The following SGCD variants were observed in gnomAD, a reference collection of about 807,000 sequenced individuals.
The protein encoded by SGCD is delta-sarcoglycan.
A neutral mutation model predicts 36.6 loss-of-function variants in SGCD; 18 were observed. The ratio of observed to expected loss-of-function variants is 0.49; its 90% CI spans 0.34 to 0.73. The LOEUF (loss-of-function observed/expected upper bound fraction) is 0.73, where lower values mean the gene tolerates loss of function less well. Ranked by LOEUF, SGCD falls within the 30% of genes least tolerant of loss-of-function variation. SGCD has a pLI of 0.01. For synonymous variants in SGCD, 133 were observed against 130.6 expected, an observed-to-expected ratio of 1.02 and a Z score of -0.12; for missense variants, 387 against 346.7, an observed-to-expected ratio of 1.12 and a Z score of -0.92.
the SGCD span, among the ~76,000 whole-genome samples, chr5:155,798,431 A>G: frequency 6.6e-6 from 1 of 152,228 alleles, no homozygotes; most frequent in African/African-American, 2.4e-5. Flanking sequence ...CAATAGATTT[A>G]CCTTCTGATT....
chr5:155,849,756 G>T, the SGCD span, among the ~76,000 whole-genome samples: 2 of 152,258 alleles, frequency 1.3e-5, no homozygotes, highest in South Asian at 4.1e-4. Context: ...ATGTCAGACA[G>T]TACTGAATGG....
chr5:156,248,834 T>A (rs1765504898), intron 3 of SGCD, among the ~76,000 whole-genome samples: 1 of 152,174 alleles, frequency 6.6e-6, no homozygotes, highest in Non-Finnish European at 1.5e-5. Flanking sequence ...AAGCCATTCT[T>A]AAGAGGACTT....
chr5:156,362,740 C>T (rs548583682), intron 3 of SGCD, among the ~76,000 whole-genome samples: 94 of 152,272 alleles, frequency 6.2e-4, no homozygotes, highest in Admixed American at 4.3e-3. Context: ...AGAACTTTTC[C>T]AATAAGGGAT....
At chr5:156,101,036 G>C (rs1203930685) in intron 1 of SGCD, among the ~76,000 whole-genome samples, 1 of 152,164 alleles carries the variant, frequency 6.6e-6, no homozygotes, top group Non-Finnish European at 1.5e-5. Context: ...TATAAGAAGA[G>C]ACATGAGAAA....
intron 4 of SGCD, among the ~76,000 whole-genome samples, chr5:156,568,190 C>G (rs2113276627): frequency 6.6e-6 from 1 of 152,130 alleles, no homozygotes; most frequent in East Asian, 1.9e-4. Flanking sequence ...AGGATCACAG[C>G]CTGGCCAACA....
intron 1 of SGCD, among the ~76,000 whole-genome samples, chr5:155,882,793 A>T (rs1024112578): frequency 8.5e-5 from 13 of 152,182 alleles, no homozygotes; most frequent in African/African-American, 3.1e-4. Context: ...GTCAGTGACC[A>T]TTGGCTTCAA....
chr5:156,189,487 G>A (rs1763838586), intron 3 of SGCD, among the ~76,000 whole-genome samples: 1 of 152,072 alleles, frequency 6.6e-6, no homozygotes, highest in African/African-American at 2.4e-5. Context: ...TGAGAGTTAG[G>A]AAATTATGAG....
At chr5:156,435,129 T>C (rs1290793883) in intron 3 of SGCD, among the ~76,000 whole-genome samples, 2 of 152,244 alleles carry the variant, frequency 1.3e-5, no homozygotes, top group Non-Finnish European at 2.9e-5. Context: ...AAATGTTCTT[T>C]TATTTTGATT....
intron 3 of SGCD, among the ~76,000 whole-genome samples, chr5:156,406,809 T>C (rs931956331): frequency 9.8e-6 from 1 of 102,050 alleles, no homozygotes; most frequent in African/African-American, 4.6e-5. Flanking sequence ...TATATATATA[T>C]ATATATATAT....
chr5:156,571,741 C>A (rs1470725352), intron 4 of SGCD, among the ~76,000 whole-genome samples: 1 of 152,236 alleles, frequency 6.6e-6, no homozygotes, highest in Non-Finnish European at 1.5e-5. Flanking sequence ...TCCCCCAAAA[C>A]TGTTTTACTG....
chr5:156,516,300 CT>C (rs1304972202), intron 4 of SGCD, among the ~76,000 whole-genome samples: 1 of 152,228 alleles, frequency 6.6e-6, no homozygotes, highest in Admixed American at 6.5e-5. Flanking sequence ...AGTCACTACC[CT>C]TCTGGGACAG....
the SGCD span, among the ~76,000 whole-genome samples, chr5:155,843,132 G>T: frequency 1.3e-5 from 2 of 152,132 alleles, no homozygotes; most frequent in African/African-American, 4.8e-5. Context: ...GGTATCTTAC[G>T]TGAGGATTAT....
chr5:155,753,377 T>C, the SGCD span, among the ~76,000 whole-genome samples: 1 of 151,722 alleles, frequency 6.6e-6, no homozygotes, highest in Admixed American at 6.6e-5. Context: ...CTCAACTAGC[T>C]CTGTTTGTTT....
intron 3 of SGCD, among the ~76,000 whole-genome samples, chr5:156,426,268 A>G (rs555459182): frequency 7.9e-5 from 12 of 152,004 alleles, no homozygotes; most frequent in Admixed American, 6.6e-5. Context: ...TTACTCCTCT[A>G]AGCTGGAGGA....
intron 3 of SGCD, among the ~76,000 whole-genome samples, chr5:156,435,631 T>C (rs901593752): frequency 6.6e-6 from 1 of 152,186 alleles, no homozygotes; most frequent in Non-Finnish European, 1.5e-5. Context: ...TTGCAGGTGA[T>C]AGGGAGATGT....
intron 3 of SGCD, among the ~76,000 whole-genome samples, chr5:156,373,508 A>G (rs1283011806): frequency 6.6e-6 from 1 of 152,194 alleles, no homozygotes; most frequent in African/African-American, 2.4e-5. Context: ...TACACATTTT[A>G]CTTTGGAAAT....
intron 3 of SGCD, among the ~76,000 whole-genome samples, chr5:156,380,758 G>A (rs1482101081): frequency 6.6e-6 from 1 of 152,180 alleles, no homozygotes; most frequent in Non-Finnish European, 1.5e-5. Flanking sequence ...TTTGTGTGAA[G>A]CAAGAGAATT....
chr5:155,939,316 CTAAA>C (rs1214318023), intron 1 of SGCD, among the ~76,000 whole-genome samples: 3 of 152,082 alleles, frequency 2.0e-5, no homozygotes, highest in African/African-American at 7.2e-5. Flanking sequence ...GTTGTACACA[CTAAA>C]TATATATAAT....
intron 7 of SGCD, among the ~76,000 whole-genome samples, chr5:156,723,022 C>G (rs17053838): frequency 6.6e-6 from 1 of 152,108 alleles, no homozygotes; most frequent in Non-Finnish European, 1.5e-5. Flanking sequence ...ATTTAAAAAA[C>G]GAATATGCCT....
Sources: gnomAD v4.1 joint callset for allele counts (sites outside exome capture counted in the v4.1 genomes callset) on GRCh38, gnomAD v4.1.1 for gene constraint, MANE v1.5 for transcripts, NCBI Gene and HGNC (gene_info 2026-07-23, HGNC 2026-07-21) for gene names.